ADD3: variants seen among roughly 807,000 people sequenced by gnomAD.
The protein encoded by ADD3 is adducin 3, also known as gamma-adducin.
Under a neutral mutation model 80.2 loss-of-function variants are expected in ADD3, and 25 were observed. That is an observed-to-expected ratio of 0.31 (90% CI 0.23 to 0.44). ADD3 has a LOEUF of 0.44. Among genes scored for constraint, ADD3 ranks in the 20% least tolerant of loss-of-function variants. The pLI is 1.00. For missense variants in ADD3, 829 were observed against 847.5 expected (o/e 0.98, Z 0.27); for synonymous variants, 284 against 289.6 (o/e 0.98, Z 0.20).
intron 1 of ADD3, among the ~76,000 whole-genome samples, chr10:110,037,554 G>A (rs930087905): frequency 6.8e-6 from 1 of 146,732 alleles, no homozygotes; most frequent in Admixed American, 6.9e-5. Flanking sequence ...GCAGTGAGCC[G>A]AGATCTCGCC....
At chr10:109,997,413 T>C (rs1851401949) in intron 1 of ADD3, 1 of 152,168 alleles carries the variant, frequency 6.6e-6, no homozygotes, top group South Asian at 2.1e-4. Context: ...AAAACAAACA[T>C]TTACTATAAT....
intron 1 of ADD3, among the ~76,000 whole-genome samples, chr10:110,023,879 T>C (rs1196238755): frequency 6.6e-6 from 1 of 152,182 alleles, no homozygotes; most frequent in African/African-American, 2.4e-5. Flanking sequence ...TTTTAAACTT[T>C]TGTGCATTGC....
chr10:109,999,179 C>T (rs1416818299), intron 1 of ADD3, among the ~76,000 whole-genome samples: 1 of 152,166 alleles, frequency 6.6e-6, no homozygotes, highest in Non-Finnish European at 1.5e-5. Flanking sequence ...GGACTACGTA[C>T]ATTCTAAATT....
intron 1 of ADD3, among the ~76,000 whole-genome samples, chr10:110,043,322 T>G (rs1239578256): frequency 1.3e-5 from 2 of 152,274 alleles, no homozygotes; most frequent in Non-Finnish European, 2.9e-5. Flanking sequence ...TTTCTTTTTT[T>G]TAAACAAATC....
intron 1 of ADD3, among the ~76,000 whole-genome samples, chr10:110,073,917 CCTT>C (rs754297416): frequency 4.6e-5 from 7 of 151,442 alleles, no homozygotes; most frequent in Non-Finnish European, 1.0e-4. Context: ...TTTAGACAGA[CCTT>C]TTTTTTTTTT....
intron 1 of ADD3, among the ~76,000 whole-genome samples, chr10:110,092,450 T>TAAGCAAATTAACACAGGAACAGAA (rs769793028): frequency 1.1e-3 from 170 of 152,302 alleles, no homozygotes; most frequent in Non-Finnish European, 1.8e-3. Flanking sequence ...GCTATTACCC[T>TAAGCAAATTAACACAGGAACAGAA]AAGCAAATTA....
At chr10:110,042,701 T>TC (rs1470380721) in intron 1 of ADD3, among the ~76,000 whole-genome samples, 5 of 151,376 alleles carry the variant, frequency 3.3e-5, no homozygotes, top group Non-Finnish European at 5.9e-5. Context: ...TTTTTTTTTT[T>TC]TCCATCAGTT....
At position 110,083,412 on chromosome 10, in the gene ADD3, A is replaced by T. The variant is rs137978575; in HGVS notation, c.-29-17213A>T. Among the ~76,000 whole-genome samples, 148 of 152,150 alleles carry T rather than the reference A, an allele frequency of 9.7e-4. 2 individuals are homozygous for T. The East Asian group carries it at 0.026, about 27-fold the overall frequency. ...GCGCCTCTAGTCCCAGCTACTCGGG[A>T]GGCTGAGGCAGGAGAATGGAGTGAA... is the stretch of plus-strand genomic sequence containing the variant. On this transcript the variant is annotated intron_variant, in intron 1 of 14. Coordinates refer to ENST00000356080, the MANE Select transcript of ADD3 (RefSeq NM_016824.5).
chr10:110,122,671 A>G (rs941586343), intron 9 of ADD3, among the ~76,000 whole-genome samples: 20 of 138,708 alleles, frequency 1.4e-4, no homozygotes, highest in African/African-American at 4.9e-4. Flanking sequence ...TCTTGCTTGG[A>G]GTGCCGTGAC....
intron 1 of ADD3, among the ~76,000 whole-genome samples, chr10:110,023,803 G>A (rs1294069243): frequency 6.6e-6 from 1 of 152,150 alleles, no homozygotes; most frequent in Non-Finnish European, 1.5e-5. Flanking sequence ...TCACCATTTT[G>A]GCTAAAGAAT....
chr10:110,021,400 A>G (rs1285083570), intron 1 of ADD3, among the ~76,000 whole-genome samples: 1 of 152,202 alleles, frequency 6.6e-6, no homozygotes, highest in African/African-American at 2.4e-5. Context: ...TGTTCCCACA[A>G]AAAAATTGTA....
At chr10:110,094,691 T>G (rs997807353) in intron 1 of ADD3, among the ~76,000 whole-genome samples, 1 of 152,202 alleles carries the variant, frequency 6.6e-6, no homozygotes, top group African/African-American at 2.4e-5. Context: ...TTTTAGAACT[T>G]AAAATGAAGA....
At chr10:110,102,498 T>C (rs894830844) in intron 2 of ADD3, among the ~76,000 whole-genome samples, 2 of 152,238 alleles carry the variant, frequency 1.3e-5, no homozygotes, top group African/African-American at 4.8e-5. Flanking sequence ...AGTCTCATAC[T>C]TGGGAGGCTG....
chr10:110,053,449 C>T (rs540834409), intron 1 of ADD3, among the ~76,000 whole-genome samples: 14 of 152,018 alleles, frequency 9.2e-5, no homozygotes, highest in African/African-American at 3.1e-4. Context: ...AATTTTATGT[C>T]TGCATTTCTA....
intron 2 of ADD3, among the ~76,000 whole-genome samples, chr10:110,102,137 A>C (rs1210098122): frequency 1.3e-5 from 2 of 152,224 alleles, no homozygotes; most frequent in African/African-American, 4.8e-5. Context: ...GCCCACTTTA[A>C]AGAAACTCTT....
intron 1 of ADD3, among the ~76,000 whole-genome samples, chr10:110,015,410 C>CT (rs1173730216): frequency 4.1e-5 from 6 of 147,168 alleles, no homozygotes; most frequent in Admixed American, 1.4e-4. Context: ...GAGTCTCGCT[C>CT]TGTCGCCCAG....
chr10:110,055,436 TA>T (rs566227955), intron 1 of ADD3, among the ~76,000 whole-genome samples: 1 of 152,154 alleles, frequency 6.6e-6, no homozygotes, highest in African/African-American at 2.4e-5. Flanking sequence ...TGGCAGTTGA[TA>T]AAAAAATATG....
At chr10:110,094,516 T>G (rs1426066041) in intron 1 of ADD3, among the ~76,000 whole-genome samples, 3 of 152,176 alleles carry the variant, frequency 2.0e-5, no homozygotes, top group African/African-American at 7.2e-5. Context: ...TTTGTGCACT[T>G]AGTGCCATCT....
intron 3 of ADD3, 34 bp from the exon 4 acceptor site, chr10:110,116,223 GAC>G (rs746144008): frequency 3.1e-6 from 5 of 1,607,892 alleles, no homozygotes; most frequent in Non-Finnish European, 4.2e-6. Context: ...GGGATTGCAT[GAC>G]TCGTATCTCT....
Sources: gnomAD v4.1 joint callset for allele counts (sites outside exome capture counted in the v4.1 genomes callset) on GRCh38, gnomAD v4.1.1 for gene constraint, MANE v1.5 for transcripts, NCBI Gene and HGNC (gene_info 2026-07-23, HGNC 2026-07-21) for gene names.